Variants in CYB5R2 observed in about 807,000 individuals in gnomAD.
CYB5R2 encodes the protein NADH-cytochrome b5 reductase 2.
In CYB5R2, 35 loss-of-function variants were observed where a neutral mutation model predicts 29.8. The ratio of observed to expected loss-of-function variants is 1.17; its 90% CI spans 0.90 to 1.56. The LOEUF is 1.56. Among genes scored for constraint, CYB5R2 ranks in the 40% most tolerant of loss-of-function variants. The pLI, the probability that CYB5R2 is intolerant of heterozygous loss-of-function variation, is 0.00. For synonymous variants in CYB5R2, 169 were observed against 130.6 expected, an observed-to-expected ratio of 1.29 and a Z score of -2.01; for missense variants, 419 against 346.7, an observed-to-expected ratio of 1.21 and a Z score of -1.66.
intron 5 of CYB5R2, 117 bp downstream of exon 5, chr11:7,669,088 G>T: frequency 8.1e-7 from 1 of 1,235,446 alleles, no homozygotes; most frequent in Non-Finnish European, 1.2e-6. Flanking sequence ...GTGTGTGAAT[G>T]AATGAAGACT....
chr11:7,673,461 G>A lies in CYB5R2; in HGVS notation c.-109C>T. ...CTCCTCTCCCAACTCAAGCCCGACA[G>A]GGAAAGTTGCCTCTCCTCCCGCCGG... On this transcript the variant is annotated 5_prime_UTR_variant, in exon 1 of 9. Transcript: ENST00000299498. The A allele has an allele frequency of 2.0e-6, 2 of 986,336 alleles. No individual in the cohort carries two copies. The highest frequency in any genetic ancestry group is 2.4e-6 in the Non-Finnish European group (2 of 830,628). 61.1% of individuals were successfully genotyped at this position (986,336 alleles called of 1,614,324 possible).
chr11:7,668,948 G>T, intron 5 of CYB5R2: 2 of 633,490 alleles, frequency 3.2e-6, no homozygotes, highest in Non-Finnish European at 5.8e-6. Context: ...CACCATTTAT[G>T]TATCAGGCAT....
At chr11:7,665,718 C>A in intron 8 of CYB5R2, 172 bp from the exon 9 acceptor site, 1 of 1,167,182 alleles carries the variant, frequency 8.6e-7, no homozygotes, top group Non-Finnish European at 1.2e-6. Context: ...GTAAACAGCC[C>A]TCTGCAGCAA....
rs900286994 is a variant in CYB5R2, at chr11:7,666,469, G to A, written c.640C>T (p.Leu214=). 5 of 1,612,498 alleles carry A rather than the reference G, an allele frequency of 3.1e-6. No homozygotes were observed. Among genetic ancestry groups the A allele is most frequent in the Non-Finnish European group, 4.2e-6 (5 of 1,178,832 alleles). ...GTCGTACCAATGGGAGGCCTGTCCA[G>A]GGTGTACCACAGGTTGAACTGGTCT... is the stretch of plus-strand genomic sequence containing the variant. ...HPDQFNLWYT[L]DRPPIGWKYS... Residue 214 remains leucine, a synonymous_variant, in exon 8 of 9, where the codon CTG becomes TTG. Coordinates refer to ENST00000299498, the MANE Select transcript of CYB5R2 (RefSeq NM_016229.5).
At chr11:7,670,847 C>T (rs1159329303) in intron 3 of CYB5R2, 2 of 152,206 alleles carry the variant, frequency 1.3e-5, no homozygotes. Context: ...TAACCCTAAC[C>T]CTTGACTAAC....
chr11:7,665,761 C>T (rs1855110840), intron 8 of CYB5R2: 1 of 1,400,932 alleles, frequency 7.1e-7, no homozygotes, highest in Admixed American at 2.1e-5. Flanking sequence ...TGCAGGGACC[C>T]TGAAGCCCTG....
intron 2 of CYB5R2, 40 bp from the exon 3 acceptor site, chr11:7,672,563 A>G (rs1172682616): frequency 6.2e-7 from 1 of 1,604,972 alleles, no homozygotes; most frequent in Non-Finnish European, 8.5e-7. Flanking sequence ...TCAGCTTTCT[A>G]GAAGCCTTGC....
At position 7,665,853 on chromosome 11, in the gene CYB5R2, C is replaced by G. The variant is rs762097536; in HGVS notation, c.659-307G>C. Reference sequence around the variant, plus strand: ...GAGGTGTGTGAATCAGTACAGCCAGCTGGAGTTGTCCGGCAGGGTGTGGCC... The same window carrying G: ...GAGGTGTGTGAATCAGTACAGCCAGGTGGAGTTGTCCGGCAGGGTGTGGCC... On this transcript the variant is annotated intron_variant, in intron 8 of 8. Transcript: ENST00000299498. 5 of 1,535,840 alleles carry G rather than the reference C, an allele frequency of 3.3e-6. No homozygotes were observed. In the African/African-American group the frequency reaches 5.5e-5, roughly 17 times the overall value.
chr11:7,667,727 C>A lies in CYB5R2; in HGVS notation c.558+1G>T, dbSNP rs746246655. ...CCACTGCAAGCTCAGCAGGAACTGA[C>A]CTGGTTGGCAAAGATGAGGGACATC... On this transcript the variant is annotated splice_donor_variant, in intron 7 of 8. Transcript: ENST00000299498. LOFTEE classifies it high-confidence loss of function. 2.5e-6 allele frequency: 4 copies of A among 1,613,066 alleles called. No individual in the cohort carries two copies. Among genetic ancestry groups the A allele is most frequent in the East Asian group, 4.5e-5 (2 of 44,884 alleles).
intron 8 of CYB5R2, chr11:7,665,894 T>C: frequency 6.5e-7 from 1 of 1,536,154 alleles, no homozygotes; most frequent in South Asian, 1.2e-5. Context: ...TTAGTGGAAC[T>C]GCGCAGAATT....
At position 7,665,207 on chromosome 11, in the gene CYB5R2, C is replaced by T. The variant is rs1267174035; in HGVS notation, c.*167G>A. The T allele has an allele frequency of 3.6e-6, 2 of 554,760 alleles. No individual in the cohort carries two copies. The highest frequency in any genetic ancestry group is 3.7e-5 in the Admixed American group (1 of 26,796). 34.4% of individuals were successfully genotyped at this position (554,760 alleles called of 1,614,324 possible). ...AGGCCCCAGCAGCCAGTCTCCAGCC[C>T]CTTGAGCCCTTTTTGTTAGGCCCAC... is the stretch of plus-strand genomic sequence containing the variant. On this transcript the variant is annotated 3_prime_UTR_variant, in exon 9 of 9. Coordinates refer to ENST00000299498, the MANE Select transcript of CYB5R2 (RefSeq NM_016229.5).
At chr11:7,667,483 T>G (rs961844023) in intron 7 of CYB5R2, 5 of 394,584 alleles carry the variant, frequency 1.3e-5, no homozygotes, top group Non-Finnish European at 1.8e-5. Context: ...GCAGTACATC[T>G]TAAGGAAAAA....
chr11:7,665,533 G>T lies in CYB5R2; in HGVS notation c.672C>A (p.Ser224Arg), dbSNP rs1855071921. The T allele has an allele frequency of 3.1e-6, 5 of 1,606,730 alleles. No individual in the cohort carries two copies. Among genetic ancestry groups the T allele is most frequent in the Non-Finnish European group, 4.2e-6 (5 of 1,177,238 alleles). The stretch of plus-strand genomic sequence containing the variant: ...TCATGTCGGCAGTAACGAAGCCTGA[G>T]CTGTACTTCCAGCCTGAAATGAAGG... ...LDRPPIGWKY[S>R]SGFVTADMIK... Residue 224 changes from serine to arginine, a missense_variant, in exon 9 of 9, where the codon AGC becomes AGA. Ser to Arg is a moderately radical substitution (Grantham distance 110). Coordinates refer to ENST00000299498, the MANE Select transcript of CYB5R2 (RefSeq NM_016229.5).
chr11:7,672,711 C>T (rs371724541), intron 2 of CYB5R2, 37 bp downstream of exon 2: 58 of 1,613,254 alleles, frequency 3.6e-5, no homozygotes, highest in Non-Finnish European at 4.8e-5. Flanking sequence ...AGCCATCATC[C>T]ACTTACTGCC....
intron 3 of CYB5R2, 57 bp downstream of exon 3, chr11:7,672,389 TAAGAG>T (rs1855799900): frequency 7.6e-6 from 11 of 1,445,394 alleles, no homozygotes; most frequent in Admixed American, 5.2e-5. Context: ...GTGTTTCTGT[TAAGAG>T]AGGAGGGCCT....
At position 7,668,534 on chromosome 11, in the gene CYB5R2, G is replaced by A. The variant is rs780160716; in HGVS notation, c.416C>T (p.Thr139Met). The A allele has an allele frequency of 2.0e-5, 33 of 1,613,578 alleles. No homozygotes were observed. Among genetic ancestry groups the A allele is most frequent in the Admixed American group, 3.3e-5 (2 of 59,958 alleles). ...PGNLGIRPDQ[T>M]SEPKKTLADH... ...GGCCAGTGTTTTTTTAGGCTCACTC[G>A]TCTGGTCTGGTCTGATTCCAAGATT... The change falls in exon 6 of 9, where the codon ACG (threonine) becomes ATG (methionine). Residue 139 changes from threonine (T) to methionine (M), a missense_variant. Transcript: ENST00000299498.
chr11:7,665,277 G>A lies in CYB5R2; in HGVS notation c.*97C>T, dbSNP rs1855037786. ...GTGTGTGCGCGAAGGTACATGGCAA[G>A]GCACTTTTGAAAACATCCCAGTTTA... On this transcript the variant is annotated 3_prime_UTR_variant, in exon 9 of 9. Transcript: ENST00000299498. 1 of 1,102,780 alleles carries A rather than the reference G, an allele frequency of 9.1e-7. No individual in the cohort carries two copies. Among genetic ancestry groups the A allele is most frequent in the Non-Finnish European group, 1.3e-6 (1 of 782,598 alleles). 68.3% of individuals were successfully genotyped at this position (1,102,780 alleles called of 1,614,324 possible).
At chr11:7,667,399 G>GTAAA (rs1420806850) in intron 7 of CYB5R2, 22 of 169,630 alleles carry the variant, frequency 1.3e-4, no homozygotes, top group Middle Eastern at 5.1e-3. Context: ...TAAAAAGTAA[G>GTAAA]TAAATATTTA....
chr11:7,673,084 G>T, intron 1 of CYB5R2, 193 bp from the exon 2 acceptor site: 1 of 530,884 alleles, frequency 1.9e-6, no homozygotes, highest in Admixed American at 3.1e-5. Context: ...GTAGGGAGGG[G>T]TCAGCTGCAG....
Sources: allele counts gnomAD v4.1 joint callset, GRCh38; gene constraint gnomAD v4.1.1; transcripts MANE v1.5; gene names NCBI Gene and HGNC (gene_info 2026-07-23, HGNC 2026-07-21).